CNTNAP5: variants seen among roughly 807,000 people sequenced by gnomAD.
The protein encoded by CNTNAP5 is contactin associated protein family member 5, also known as contactin-associated protein-like 5.
In CNTNAP5, 72 loss-of-function variants were observed where a neutral mutation model predicts 150.2. The ratio of observed to expected loss-of-function variants is 0.48; its 90% CI spans 0.40 to 0.58. The LOEUF (loss-of-function observed/expected upper bound fraction) is 0.58, where lower values mean the gene tolerates loss of function less well. Among genes scored for constraint, CNTNAP5 ranks in the 20% least tolerant of loss-of-function variants. The pLI is 0.00. For synonymous variants in CNTNAP5, 672 were observed against 619.8 expected, an observed-to-expected ratio of 1.08 and a Z score of -1.25; for missense variants, 1,636 against 1,626.2, an observed-to-expected ratio of 1.01 and a Z score of -0.10.
chr2:124,700,542 T>C (rs1679499969), intron 13 of CNTNAP5, among the ~76,000 whole-genome samples: 1 of 152,134 alleles, frequency 6.6e-6, no homozygotes, highest in South Asian at 2.1e-4. Flanking sequence ...TTTATTATAG[T>C]TATCCTAGTG....
chr2:124,262,286 C>T (rs1687478706), intron 3 of CNTNAP5, among the ~76,000 whole-genome samples: 1 of 151,808 alleles, frequency 6.6e-6, no homozygotes, highest in Admixed American at 6.6e-5. Flanking sequence ...CTAAGCAGGA[C>T]TATGATGAAA....
At chr2:124,647,364 C>T (rs570956934) in intron 12 of CNTNAP5, among the ~76,000 whole-genome samples, 1 of 152,114 alleles carries the variant, frequency 6.6e-6, no homozygotes, top group Non-Finnish European at 1.5e-5. Context: ...TGGAGTCAGA[C>T]ATCCTAGGCT....
At chr2:124,672,512 A>T (rs918488699) in intron 13 of CNTNAP5, among the ~76,000 whole-genome samples, 1 of 152,244 alleles carries the variant, frequency 6.6e-6, no homozygotes, top group African/African-American at 2.4e-5. Flanking sequence ...TTCTACCTTG[A>T]CAGCATGTGC....
intron 7 of CNTNAP5, among the ~76,000 whole-genome samples, chr2:124,503,205 T>A (rs4848937): frequency 0.21 from 31,501 of 152,118 alleles, 3,597 homozygotes; most frequent in East Asian, 0.34. Context: ...GATGGATGAA[T>A]CATTAGAAAT....
chr2:124,725,057 G>T (rs1680128237), intron 13 of CNTNAP5, among the ~76,000 whole-genome samples: 1 of 150,162 alleles, frequency 6.7e-6, no homozygotes, highest in Non-Finnish European at 1.5e-5. Context: ...ACTGCTCTGT[G>T]TTCTTCTGTA....
chr2:124,110,585 G>A (rs1317678262), intron 1 of CNTNAP5, among the ~76,000 whole-genome samples: 2 of 152,164 alleles, frequency 1.3e-5, no homozygotes, highest in Non-Finnish European at 1.5e-5. Flanking sequence ...TTTACCATAG[G>A]TGAAGCAGTG....
At chr2:124,738,500 A>C (rs1300030551) in intron 13 of CNTNAP5, among the ~76,000 whole-genome samples, 1 of 152,128 alleles carries the variant, frequency 6.6e-6, no homozygotes, top group Non-Finnish European at 1.5e-5. Context: ...TGGGAGGTTG[A>C]GGCAGGCAGA....
chr2:124,460,902 T>A (rs1159457456), intron 6 of CNTNAP5, among the ~76,000 whole-genome samples: 1 of 151,946 alleles, frequency 6.6e-6, no homozygotes, highest in Non-Finnish European at 1.5e-5. Flanking sequence ...GGGTTAAAAG[T>A]GAAGGCCTCC....
At chr2:124,087,394 T>G (rs756801474) in intron 1 of CNTNAP5, among the ~76,000 whole-genome samples, 1 of 151,888 alleles carries the variant, frequency 6.6e-6, no homozygotes, top group Non-Finnish European at 1.5e-5. Flanking sequence ...TTAGATTTCT[T>G]CATCTGAGGT....
intron 3 of CNTNAP5, among the ~76,000 whole-genome samples, chr2:124,319,424 G>C (rs1689046511): frequency 6.6e-6 from 1 of 152,188 alleles, no homozygotes; most frequent in Admixed American, 6.5e-5. Context: ...GTCACATGAA[G>C]AAAAGCTAAA....
intron 7 of CNTNAP5, among the ~76,000 whole-genome samples, chr2:124,481,034 G>T (rs1425327550): frequency 6.6e-6 from 1 of 152,216 alleles, no homozygotes; most frequent in Non-Finnish European, 1.5e-5. Flanking sequence ...AAACTGGGTA[G>T]CTTATGAATA....
At chr2:124,886,926 A>G (rs989941731) in intron 21 of CNTNAP5, among the ~76,000 whole-genome samples, 3 of 152,002 alleles carry the variant, frequency 2.0e-5, no homozygotes, top group African/African-American at 7.3e-5. Flanking sequence ...TTGACTGTTA[A>G]TGAGCTCTCA....
chr2:124,580,413 A>G (rs1696384830), intron 11 of CNTNAP5, among the ~76,000 whole-genome samples: 1 of 152,244 alleles, frequency 6.6e-6, no homozygotes, highest in Non-Finnish European at 1.5e-5. Flanking sequence ...CAAATAAGGC[A>G]GATGCCAAGC....
chr2:124,125,185 A>G (rs1407555449), intron 1 of CNTNAP5, among the ~76,000 whole-genome samples: 2 of 152,214 alleles, frequency 1.3e-5, no homozygotes, highest in Non-Finnish European at 2.9e-5. Flanking sequence ...ATGCAGAGGC[A>G]CATGTAGGCT....
chr2:124,694,737 A>G (rs75408565), intron 13 of CNTNAP5, among the ~76,000 whole-genome samples: 20 of 152,308 alleles, frequency 1.3e-4, no homozygotes, highest in African/African-American at 4.8e-4. Flanking sequence ...TACATTCCAC[A>G]TGGGCATTTT....
intron 11 of CNTNAP5, among the ~76,000 whole-genome samples, chr2:124,578,902 A>AT (rs1013074400): frequency 9.9e-5 from 15 of 151,810 alleles, no homozygotes; most frequent in Admixed American, 2.6e-4. Flanking sequence ...TTGTTTTTCA[A>AT]TTTTTTTTTC....
intron 13 of CNTNAP5, among the ~76,000 whole-genome samples, chr2:124,655,539 A>C (rs1443556449): frequency 3.8e-5 from 1 of 26,098 alleles, no homozygotes; most frequent in African/African-American, 1.8e-4. Flanking sequence ...TCAAATGATT[A>C]TATATATATA....
At chr2:124,551,097 C>A (rs1272227793) in intron 10 of CNTNAP5, among the ~76,000 whole-genome samples, 1 of 152,052 alleles carries the variant, frequency 6.6e-6, no homozygotes, top group African/African-American at 2.4e-5. Context: ...TTCACTGGCC[C>A]GTGCAGGGAG....
At position 124,541,179 on chromosome 2, in the gene CNTNAP5, A is replaced by ATTTTTTTTTTTTTTTTTTT. The variant is rs3980963; in HGVS notation, c.1649+13740_1649+13741insTTTTTTTTTTTTTTTTTTT. On this transcript the variant is annotated intron_variant, in intron 10 of 23. Transcript: ENST00000682447. The stretch of plus-strand genomic sequence containing the variant: ...AGAGGATAAGAAGTACAAAATTCCG[A>ATTTTTTTTTTTTTTTTTTT]TTTTTTTTTTTTTTTTTGGTGAGAA... Among the ~76,000 whole-genome samples the ATTTTTTTTTTTTTTTTTTT allele has an allele frequency of 3.5e-4, 29 of 83,074 alleles. 3 individuals carry two copies. The highest frequency in any genetic ancestry group is 8.9e-4 in the African/African-American group (19 of 21,364). 54.5% of individuals were successfully genotyped at this position (83,074 alleles called of 152,430 possible). A position where few individuals can be genotyped will look rare whatever the true frequency, so the allele number is the denominator to read the frequency against.
Sources: allele counts gnomAD v4.1 joint callset (sites outside exome capture counted in the v4.1 genomes callset), GRCh38; gene constraint gnomAD v4.1.1; transcripts MANE v1.5; gene names NCBI Gene and HGNC (gene_info 2026-07-23, HGNC 2026-07-21).